Variants in ATP8A2 observed in about 807,000 individuals in gnomAD.
The protein encoded by ATP8A2 is ATPase phospholipid transporting 8A2, also known as phospholipid-transporting ATPase IB.
A neutral mutation model predicts 165.6 loss-of-function variants in ATP8A2; 100 were observed. The observed-to-expected ratio is 0.60, with a 90% CI of 0.51 to 0.71. The LOEUF (loss-of-function observed/expected upper bound fraction) is 0.71, where lower values mean the gene tolerates loss of function less well. Among genes scored for constraint, ATP8A2 ranks in the 30% least tolerant of loss-of-function variants. ATP8A2 has a pLI of 0.00. For synonymous variants in ATP8A2, 543 were observed against 548.8 expected (o/e 0.99, Z 0.15); for missense variants, 1,227 against 1,479.5 (o/e 0.83, Z 2.80).
At chr13:25,797,787 A>T (rs1382508737) in intron 27 of ATP8A2, among the ~76,000 whole-genome samples, 6 of 152,134 alleles carry the variant, frequency 3.9e-5, no homozygotes, top group Non-Finnish European at 8.8e-5. Context: ...TCATAATGGC[A>T]CTTTTTTTAA....
chr13:25,428,533 G>A (rs1258248242), intron 1 of ATP8A2, among the ~76,000 whole-genome samples: 1 of 152,180 alleles, frequency 6.6e-6, no homozygotes, highest in Non-Finnish European at 1.5e-5. Context: ...TATGAACAAA[G>A]TGCTGTGGGA....
At chr13:25,882,934 G>GATT (rs1953027432) in intron 33 of ATP8A2, among the ~76,000 whole-genome samples, 1 of 151,564 alleles carries the variant, frequency 6.6e-6, no homozygotes, top group East Asian at 1.9e-4. Flanking sequence ...TGATGATGAT[G>GATT]ATGATGGTGA....
intron 1 of ATP8A2, among the ~76,000 whole-genome samples, chr13:25,383,972 G>A (rs9581324): frequency 0.039 from 5,937 of 152,210 alleles, 177 homozygotes; most frequent in South Asian, 0.11. Flanking sequence ...TTTTATTCCC[G>A]TTGCTAGAGT....
intron 1 of ATP8A2, among the ~76,000 whole-genome samples, chr13:25,460,161 A>G (rs2035468565): frequency 6.6e-6 from 1 of 152,204 alleles, no homozygotes; most frequent in Non-Finnish European, 1.5e-5. Flanking sequence ...AGATTGCGCC[A>G]TTGCACTCCA....
chr13:25,987,057 T>G (rs1423618946), intron 35 of ATP8A2, among the ~76,000 whole-genome samples: 1 of 152,222 alleles, frequency 6.6e-6, no homozygotes, highest in Non-Finnish European at 1.5e-5. Flanking sequence ...TAATTAATTT[T>G]AAACATTCAG....
chr13:25,753,384 T>G (rs1273763191), intron 25 of ATP8A2, among the ~76,000 whole-genome samples: 1 of 152,200 alleles, frequency 6.6e-6, no homozygotes, highest in Non-Finnish European at 1.5e-5. Flanking sequence ...CGCTCTGGCT[T>G]GTGTGGTTAT....
chr13:25,652,218 G>T (rs953296496), intron 24 of ATP8A2, among the ~76,000 whole-genome samples: 8 of 152,154 alleles, frequency 5.3e-5, no homozygotes, highest in Non-Finnish European at 1.2e-4. Context: ...AGTTCTTGAT[G>T]CACAATCAGG....
chr13:25,379,555 TA>T (rs1171392666), intron 1 of ATP8A2, among the ~76,000 whole-genome samples: 1 of 152,360 alleles, frequency 6.6e-6, no homozygotes, highest in Non-Finnish European at 1.5e-5. Flanking sequence ...TTTAGTCACA[TA>T]ATGATTATCC....
intron 2 of ATP8A2, among the ~76,000 whole-genome samples, chr13:25,499,037 A>G (rs1236924338): frequency 6.6e-6 from 1 of 152,236 alleles, no homozygotes; most frequent in Non-Finnish European, 1.5e-5. Context: ...GAGATTCCTT[A>G]TATTTGACAA....
intron 33 of ATP8A2, among the ~76,000 whole-genome samples, chr13:25,924,122 G>A (rs555986206): frequency 1.3e-5 from 2 of 152,152 alleles, no homozygotes; most frequent in African/African-American, 2.4e-5. Context: ...CTCCTTCCAC[G>A]TTGTCTGCTG....
At chr13:25,704,745 G>C (rs1001674967) in intron 25 of ATP8A2, among the ~76,000 whole-genome samples, 1 of 152,070 alleles carries the variant, frequency 6.6e-6, no homozygotes, top group African/African-American at 2.4e-5. Context: ...CTCTTAATTT[G>C]TTTATCCTTT....
intron 27 of ATP8A2, among the ~76,000 whole-genome samples, chr13:25,788,866 G>A (rs1429812999): frequency 1.3e-5 from 2 of 152,230 alleles, no homozygotes; most frequent in South Asian, 4.2e-4. Context: ...ATCATCTGTG[G>A]CCTCATCTTC....
At chr13:25,639,874 G>A (rs1277384001) in intron 24 of ATP8A2, among the ~76,000 whole-genome samples, 1 of 152,140 alleles carries the variant, frequency 6.6e-6, no homozygotes, top group South Asian at 2.1e-4. Flanking sequence ...CTCAGCAAAT[G>A]TAAAAGAACA....
intron 27 of ATP8A2, among the ~76,000 whole-genome samples, chr13:25,776,864 G>A (rs1167152324): frequency 6.6e-6 from 1 of 152,104 alleles, no homozygotes; most frequent in Non-Finnish European, 1.5e-5. Flanking sequence ...ATTACAGATA[G>A]TCTAGACTTC....
At chr13:25,771,571 G>GTTAT (rs2044619675) in intron 26 of ATP8A2, among the ~76,000 whole-genome samples, 2 of 152,206 alleles carry the variant, frequency 1.3e-5, no homozygotes, top group Non-Finnish European at 2.9e-5. Flanking sequence ...CAGAGCAATT[G>GTTAT]CTCTCTTCAA....
intron 1 of ATP8A2, among the ~76,000 whole-genome samples, chr13:25,394,175 T>A (rs766745318): frequency 6.6e-5 from 10 of 152,128 alleles, no homozygotes; most frequent in Non-Finnish European, 1.5e-4. Context: ...TTAGGTGGAG[T>A]TTACAGCCTG....
intron 21 of ATP8A2, 27 bp downstream of exon 21, chr13:25,578,926 T>C: frequency 7.0e-7 from 1 of 1,437,578 alleles, no homozygotes; most frequent in East Asian, 2.3e-5. Context: ...AATGCTGTTT[T>C]TGGCCATTGG....
intron 2 of ATP8A2, among the ~76,000 whole-genome samples, chr13:25,509,904 G>T (rs566467324): frequency 1.3e-5 from 2 of 152,236 alleles, no homozygotes; most frequent in South Asian, 2.1e-4. Flanking sequence ...GTTCTCTGAG[G>T]ATTATTATTA....
chr13:25,856,121 C>T (rs1952158819), intron 30 of ATP8A2, among the ~76,000 whole-genome samples: 1 of 152,088 alleles, frequency 6.6e-6, no homozygotes, highest in Admixed American at 6.5e-5. Context: ...TAGTGTTGTC[C>T]TTTGAAGCAC....
Sources: gnomAD v4.1 joint callset for allele counts (sites outside exome capture counted in the v4.1 genomes callset) on GRCh38, gnomAD v4.1.1 for gene constraint, MANE v1.5 for transcripts, NCBI Gene and HGNC (gene_info 2026-07-23, HGNC 2026-07-21) for gene names.